ACMSD: variants seen among roughly 807,000 people sequenced by gnomAD.
ACMSD encodes the protein aminocarboxymuconate semialdehyde decarboxylase.
Under a neutral mutation model 45.9 loss-of-function variants are expected in ACMSD, and 37 were observed. The ratio of observed to expected loss-of-function variants is 0.81; its 90% CI spans 0.62 to 1.06. The LOEUF (loss-of-function observed/expected upper bound fraction) is 1.06. ACMSD is among the 50% of genes least tolerant of loss of function. The pLI is 0.00. For missense variants in ACMSD, 434 were observed against 420.9 expected (o/e 1.03, Z -0.27); for synonymous variants, 138 against 148.8 (o/e 0.93, Z 0.53).
At chr2:134,899,858 T>C (rs1270191599) in intron 9 of ACMSD, among the ~76,000 whole-genome samples, 1 of 152,150 alleles carries the variant, frequency 6.6e-6, no homozygotes, top group African/African-American at 2.4e-5. Context: ...AAGCAAGGTA[T>C]AAAACAATTT....
chr2:134,877,907 G>T (rs1688836287), intron 8 of ACMSD, among the ~76,000 whole-genome samples: 1 of 152,060 alleles, frequency 6.6e-6, no homozygotes, highest in Admixed American at 6.5e-5. Flanking sequence ...GGATTTGAAG[G>T]CATATTTTAA....
chr2:134,887,714 C>T (rs1034000416), intron 8 of ACMSD, among the ~76,000 whole-genome samples: 1 of 152,180 alleles, frequency 6.6e-6, no homozygotes, highest in Non-Finnish European at 1.5e-5. Context: ...GAAATATATT[C>T]ATCCTTATAC....
chr2:134,893,778 A>G (rs934099172), intron 8 of ACMSD, among the ~76,000 whole-genome samples: 3 of 152,222 alleles, frequency 2.0e-5, no homozygotes, highest in Non-Finnish European at 4.4e-5. Flanking sequence ...AGAAATTAAG[A>G]CATTTCTAGA....
intron 8 of ACMSD, among the ~76,000 whole-genome samples, chr2:134,881,620 A>G (rs186727365): frequency 9.2e-5 from 14 of 152,342 alleles, no homozygotes; most frequent in Admixed American, 7.2e-4. Context: ...GTGATTTATC[A>G]TTAAAGAAAG....
At chr2:134,838,846 G>A (rs904952416) in intron 1 of ACMSD, 107 bp downstream of exon 1, 8 of 752,144 alleles carry the variant, frequency 1.1e-5, no homozygotes, top group East Asian at 2.7e-5. Flanking sequence ...CTTTGGTGGG[G>A]GGCGAGGGGG....
intron 4 of ACMSD, 78 bp downstream of exon 4, chr2:134,862,096 A>G: frequency 2.7e-6 from 4 of 1,505,250 alleles, no homozygotes; most frequent in Non-Finnish European, 3.7e-6. Context: ...AGATGCCTCA[A>G]GTTTGGACAC....
chr2:134,870,253 G>A (rs10199868), intron 6 of ACMSD, among the ~76,000 whole-genome samples: 4,050 of 152,284 alleles, frequency 0.027, 69 homozygotes, highest in South Asian at 0.034. Context: ...GCTTCTCCTA[G>A]GAGCACAAAG....
intron 2 of ACMSD, among the ~76,000 whole-genome samples, chr2:134,849,870 C>T (rs775811240): frequency 2.6e-5 from 4 of 151,946 alleles, no homozygotes; most frequent in Admixed American, 1.3e-4. Flanking sequence ...CATTTTAAAG[C>T]CTCCAACCCA....
At chr2:134,892,499 A>AAATAAATAAATC (rs1357177562) in intron 8 of ACMSD, among the ~76,000 whole-genome samples, 1 of 137,146 alleles carries the variant, frequency 7.3e-6, no homozygotes, top group South Asian at 2.5e-4. Context: ...ATAAATAAAT[A>AAATAAATAAATC]AATCCCTGTG....
intron 8 of ACMSD, among the ~76,000 whole-genome samples, chr2:134,891,148 ATT>A (rs1689761371): frequency 6.6e-6 from 1 of 151,922 alleles, no homozygotes; most frequent in South Asian, 2.1e-4. Flanking sequence ...ATTAAGTTCC[ATT>A]TGTCTATTTT....
Position 134,859,262 on chromosome 2 carries a change from G to T in ACMSD, c.104G>T (p.Gly35Val). 6.2e-7 allele frequency: 1 copy of T among 1,614,000 alleles called. No homozygotes were observed. ...AGTAATGTGGGTTTTCTGCCCCAGG[G>T]AGAAGCAAAGTTGTTGAAAGATGGG... ...GWVQLQHHSK[G>V]EAKLLKDGKV... The change falls in exon 3 of 10, where the codon GGA becomes GTA. Residue 35 changes from glycine (G) to valine (V), a missense_variant and splice_region_variant. Transcript: ENST00000356140.
At chr2:134,869,205 C>CATTTATTTATTTATTT (rs10685496) in intron 6 of ACMSD, among the ~76,000 whole-genome samples, 2 of 149,428 alleles carry the variant, frequency 1.3e-5, no homozygotes, top group African/African-American at 4.9e-5. Flanking sequence ...CCCACAAGCT[C>CATTTATTTATTTATTT]ATTTATTTAT....
Position 134,863,397 on chromosome 2 carries a change from C to T in ACMSD, c.252C>T (p.Ala84=). 2 of 1,613,972 alleles carry T rather than the reference C, an allele frequency of 1.2e-6. No homozygotes were observed. The highest frequency in any genetic ancestry group is 4.5e-5 in the East Asian group (2 of 44,864). ...STVPVMFSYW[A]KPEDTLNLCQ... is the part of the protein sequence containing the mutation. ...TTTCCCTTTCCTGTCTCCACCAGGC[C>T]AAACCTGAGGACACTTTAAACCTGT... is the stretch of plus-strand genomic sequence containing the variant. Residue 84 remains alanine, a splice_region_variant and synonymous_variant, in exon 5 of 10, where the codon GCC becomes GCT. Transcript: ENST00000356140.
chr2:134,869,283 C>T (rs1688297423), intron 6 of ACMSD, among the ~76,000 whole-genome samples: 1 of 151,912 alleles, frequency 6.6e-6, no homozygotes, highest in South Asian at 2.1e-4. Context: ...TGTGATCTCA[C>T]CTCACTGCAA....
At chr2:134,875,621 A>T (rs1688696216) in intron 8 of ACMSD, among the ~76,000 whole-genome samples, 1 of 152,220 alleles carries the variant, frequency 6.6e-6, no homozygotes, top group Non-Finnish European at 1.5e-5. Flanking sequence ...GTTATAGATT[A>T]TCAGTCTAAC....
At chr2:134,878,524 G>T (rs998615754) in intron 8 of ACMSD, among the ~76,000 whole-genome samples, 2 of 152,002 alleles carry the variant, frequency 1.3e-5, no homozygotes, top group African/African-American at 4.8e-5. Context: ...ACAGGGTTTT[G>T]CCATGTTGCC....
chr2:134,854,660 T>C (rs958709691), intron 2 of ACMSD, among the ~76,000 whole-genome samples: 1 of 152,262 alleles, frequency 6.6e-6, no homozygotes, highest in Non-Finnish European at 1.5e-5. Flanking sequence ...CCAGAGCACA[T>C]GCTAATGCCC....
intron 1 of ACMSD, among the ~76,000 whole-genome samples, chr2:134,839,353 C>T (rs1402091540): frequency 1.3e-5 from 2 of 152,108 alleles, no homozygotes; most frequent in African/African-American, 4.8e-5. Context: ...GTGACATCTC[C>T]TAAGAGAGTA....
chr2:134,853,635 G>C (rs1419820847), intron 2 of ACMSD, among the ~76,000 whole-genome samples: 1 of 152,100 alleles, frequency 6.6e-6, no homozygotes, highest in African/African-American at 2.4e-5. Flanking sequence ...AGCCTTGCCT[G>C]AATGTAAAGC....
Sources: gnomAD v4.1 joint callset for allele counts (sites outside exome capture counted in the v4.1 genomes callset) on GRCh38, gnomAD v4.1.1 for gene constraint, MANE v1.5 for transcripts, NCBI Gene and HGNC (gene_info 2026-07-23, HGNC 2026-07-21) for gene names.